Variants in PCDH20 observed in about 807,000 individuals in gnomAD.
PCDH20 encodes the protein protocadherin-20.
In PCDH20, 18 loss-of-function variants were observed where a neutral mutation model predicts 39.7. The observed-to-expected ratio is 0.45, with a 90% CI of 0.31 to 0.67. The LOEUF is 0.67. Among genes scored for constraint, PCDH20 ranks in the 30% least tolerant of loss-of-function variants. The pLI is 0.05. For synonymous variants in PCDH20, 495 were observed against 455.4 expected, an observed-to-expected ratio of 1.09 and a Z score of -1.11; for missense variants, 1,161 against 1,167.4, an observed-to-expected ratio of 0.99 and a Z score of 0.08.
chr13:61,414,298 G>C (rs940399309), intron 1 of PCDH20, among the ~76,000 whole-genome samples: 2 of 152,000 alleles, frequency 1.3e-5, no homozygotes, highest in African/African-American at 4.8e-5. Context: ...AGAGGATTCC[G>C]ACTCAGAGAC....
chr13:61,413,991 C>G, intron 1 of PCDH20, 25 bp from the exon 2 acceptor site: 1 of 1,572,160 alleles, frequency 6.4e-7, no homozygotes, highest in South Asian at 1.1e-5. Flanking sequence ...GGGAAGAAAG[C>G]TCATTACACA....
At chr13:61,415,261 T>G in exon 1 of PCDH20, 1 of 1,246,286 alleles carries the variant, frequency 8.0e-7, no homozygotes, top group South Asian at 2.5e-5. Context: ...CAATAGTCAC[T>G]GGCTCTTCAA....
exon 2 of PCDH20, chr13:61,412,181 T>C (rs767064828): frequency 6.2e-7 from 1 of 1,614,190 alleles, no homozygotes; most frequent in South Asian, 1.1e-5. Context: ...TCCTTGTTGA[T>C]AAACCGAGGA....
chr13:61,412,982 G>A (rs373840012), exon 2 of PCDH20: 5 of 1,614,022 alleles, frequency 3.1e-6, no homozygotes, highest in African/African-American at 1.3e-5. Flanking sequence ...TTTTCATCCA[G>A]GTGAAATAAA....
exon 2 of PCDH20, chr13:61,412,421 T>C: frequency 6.2e-7 from 1 of 1,614,090 alleles, no homozygotes; most frequent in Non-Finnish European, 8.5e-7. Flanking sequence ...TCGGCATCTG[T>C]AGCATACAGC....
exon 1 of PCDH20, chr13:61,415,364 C>G (rs915912941): frequency 5.8e-6 from 3 of 517,402 alleles, no homozygotes; most frequent in Non-Finnish European, 6.0e-6. Flanking sequence ...ACTCCATACT[C>G]TGCCAGAGGA....
exon 2 of PCDH20, chr13:61,412,868 T>A (rs772877174): frequency 1.2e-6 from 2 of 1,614,012 alleles, no homozygotes; most frequent in South Asian, 1.1e-5. Context: ...ACAAGAGCAG[T>A]GATTACAGCA....
At chr13:61,413,862 C>A (rs372908762) in exon 2 of PCDH20, 1 of 1,613,278 alleles carries the variant, frequency 6.2e-7, no homozygotes, top group African/African-American at 1.3e-5. Flanking sequence ...CGATGAGCAC[C>A]CCCGCGGGTA....
chr13:61,411,619 T>G, exon 2 of PCDH20: 4 of 1,614,204 alleles, frequency 2.5e-6, no homozygotes, highest in Non-Finnish European at 3.4e-6. Context: ...GGGATAACCA[T>G]GATCACTCAC....
At chr13:61,415,508 G>A (rs1339971375) in exon 1 of PCDH20, 1 of 201,630 alleles carries the variant, frequency 5.0e-6, no homozygotes, top group East Asian at 1.1e-4. Context: ...GCAAGAGAGG[G>A]AGAATTAAAA....
exon 1 of PCDH20, chr13:61,415,487 A>C: frequency 4.1e-6 from 1 of 246,312 alleles, no homozygotes; most frequent in Non-Finnish European, 7.7e-6. Flanking sequence ...TGCCAAGTCC[A>C]CAGGTTGCTA....
At chr13:61,412,056 C>G in exon 2 of PCDH20, 1 of 1,614,174 alleles carries the variant, frequency 6.2e-7, no homozygotes, top group Non-Finnish European at 8.5e-7. Flanking sequence ...AAATATCACT[C>G]TGGTTCACCA....
chr13:61,411,795 A>G (rs1457573201), exon 2 of PCDH20: 30 of 1,614,230 alleles, frequency 1.9e-5, no homozygotes, highest in African/African-American at 4.0e-5. Context: ...TGTCGACAGC[A>G]TAGACTTCTG....
rs1427038728 is a variant in PCDH20, at chr13:61,413,290, G to A, written c.809C>T (p.Pro270Leu). The change falls in exon 2 of 2, where the codon CCC becomes CTC. Residue 270 changes from proline (P) to leucine (L), a missense_variant. Around this residue, in one of 3 missense-constraint regions of PCDH20, gnomAD observed 401 missense variants for 368.7 expected, o/e 1.09. Coordinates refer to ENST00000409204, the Ensembl canonical transcript of PCDH20. Reference sequence around the variant, plus strand: ...CAAAGCACCCATGACAATTAGGTAGGGGGTGCGCTCCCCATTCTCATTCTC... The same window carrying A: ...CAAAGCACCCATGACAATTAGGTAGAGGGTGCGCTCCCCATTCTCATTCTC... 3.1e-6 allele frequency: 5 copies of A among 1,613,932 alleles called. No homozygotes were observed. In the South Asian group the frequency reaches 4.4e-5, roughly 14 times the overall value.
exon 2 of PCDH20, chr13:61,411,360 T>C (rs1179033821): frequency 3.7e-6 from 6 of 1,613,988 alleles, no homozygotes; most frequent in Non-Finnish European, 4.2e-6. Context: ...CCCCTTTCCT[T>C]AAACAGATGT....
chr13:61,415,347 G>T (rs991900215), exon 1 of PCDH20: 3 of 605,462 alleles, frequency 5.0e-6, no homozygotes, highest in Admixed American at 4.4e-5. Context: ...TGCCCCGGAC[G>T]CAGGTAACTC....
exon 2 of PCDH20, chr13:61,413,553 C>T: frequency 6.2e-7 from 1 of 1,614,022 alleles, no homozygotes; most frequent in Non-Finnish European, 8.5e-7. Context: ...GCAGGACAAG[C>T]ACATCCAGCA....
intron 1 of PCDH20, among the ~76,000 whole-genome samples, chr13:61,414,198 T>G (rs1195954769): frequency 2.0e-5 from 3 of 151,572 alleles, no homozygotes; most frequent in African/African-American, 7.3e-5. Flanking sequence ...GCCCCCGCCT[T>G]CCCCCCTCGT....
exon 2 of PCDH20, chr13:61,411,001 CT>C (rs11423785): frequency 0.012 from 2,228 of 191,782 alleles, no homozygotes; most frequent in East Asian, 0.023. Context: ...CATGTCCAAG[CT>C]TTTTTTTTTT....
Sources: allele counts gnomAD v4.1 joint callset (sites outside exome capture counted in the v4.1 genomes callset), GRCh38; gene constraint gnomAD v4.1.1; regional missense constraint gnomAD v4.1.1; transcripts MANE v1.5; gene names NCBI Gene and HGNC (gene_info 2026-07-23, HGNC 2026-07-21).